The following ADD2 variants were observed in gnomAD, a reference collection of about 807,000 sequenced individuals.
The protein encoded by ADD2 is adducin 2.
Under a neutral mutation model 83.0 loss-of-function variants are expected in ADD2, and 23 were observed. The ratio of observed to expected loss-of-function variants is 0.28; its 90% CI spans 0.20 to 0.39. The LOEUF (loss-of-function observed/expected upper bound fraction) is 0.39. ADD2 is among the 10% of genes least tolerant of loss of function. ADD2 has a pLI of 1.00. For synonymous variants in ADD2, 375 were observed against 375.4 expected, an observed-to-expected ratio of 1.00 and a Z score of 0.01; for missense variants, 758 against 944.9, an observed-to-expected ratio of 0.80 and a Z score of 2.59.
At chr2:70,766,001 A>T (rs2024451) in intron 1 of ADD2, among the ~76,000 whole-genome samples, 106,427 of 152,144 alleles carry the variant, frequency 0.7, 38,984 homozygotes, top group East Asian at 0.92. Context: ...CATTTGCTCA[A>T]CTGTTAACCT....
At chr2:70,724,859 C>T (rs1553377952) in intron 1 of ADD2, among the ~76,000 whole-genome samples, 2 of 152,250 alleles carry the variant, frequency 1.3e-5, no homozygotes, top group African/African-American at 4.8e-5. Context: ...CAGATGCCCA[C>T]ACTGTATCAA....
chr2:70,752,648 T>C (rs1301146604), intron 1 of ADD2, among the ~76,000 whole-genome samples: 1 of 152,142 alleles, frequency 6.6e-6, no homozygotes, highest in Non-Finnish European at 1.5e-5. Context: ...ACTGGGATGA[T>C]GACACAAGGA....
At chr2:70,738,011 T>C (rs7355764) in intron 1 of ADD2, among the ~76,000 whole-genome samples, 176 of 152,320 alleles carry the variant, frequency 1.2e-3, no homozygotes, top group African/African-American at 4.1e-3. Flanking sequence ...AGCCAATAAG[T>C]GGCAGAGCTG....
chr2:70,704,890 G>A (rs1429200509), intron 3 of ADD2, among the ~76,000 whole-genome samples: 6 of 152,154 alleles, frequency 3.9e-5, no homozygotes, highest in African/African-American at 1.4e-4. Flanking sequence ...TAATGAAAGG[G>A]TAGGAGGAAG....
chr2:70,690,682 C>A, intron 8 of ADD2, 104 bp downstream of exon 8: 3 of 1,330,770 alleles, frequency 2.3e-6, no homozygotes, highest in Non-Finnish European at 3.0e-6. Flanking sequence ...TTTTTTTTCC[C>A]CCCTCTCTCC....
intron 15 of ADD2, among the ~76,000 whole-genome samples, chr2:70,671,541 T>G (rs1553367029): frequency 6.6e-6 from 1 of 151,796 alleles, no homozygotes. Flanking sequence ...TTGCAGTGAG[T>G]TAGTAAACAG....
rs187601816 is a variant in ADD2 at position 70,657,011 on chromosome 2, A to G, written c.*6414T>C. ...CTATACAAAACCAACCCATAAATATATATATATATATAATATGTGTATATA... is the reference window on the plus strand; with the variant it reads ...CTATACAAAACCAACCCATAAATATGTATATATATATAATATGTGTATATA... On this transcript the variant is annotated 3_prime_UTR_variant, in exon 16 of 16. Transcript: ENST00000264436. The G allele has an allele frequency of 4.7e-5, 7 of 150,406 alleles. No individual in the cohort carries two copies. In the East Asian group the frequency reaches 1.4e-3, roughly 29 times the overall value. The allele number at this position is 150,406 out of a possible 1,614,324, so 9.3% of individuals were successfully genotyped here. A position where few individuals can be genotyped will look rare whatever the true frequency, so the allele number is the denominator to read the frequency against.
chr2:70,709,816 C>G lies in ADD2; in HGVS notation c.-35+3250G>C, dbSNP rs190841188. Among the ~76,000 whole-genome samples, 244 of 152,300 alleles carry G rather than the reference C, an allele frequency of 1.6e-3. 2 individuals are homozygous for G. Among genetic ancestry groups the G allele is most frequent in the African/African-American group, 5.7e-3 (237 of 41,572 alleles). On this transcript the variant is annotated intron_variant, in intron 2 of 15. Transcript: ENST00000264436. ...AGAACACACATTGGCCTTGTGGATT[C>G]CAGTCAGTCCCACGTGCATGGCGTT...
chr2:70,680,847 A>G (rs1553369402), intron 10 of ADD2, among the ~76,000 whole-genome samples: 7 of 152,222 alleles, frequency 4.6e-5, no homozygotes, highest in Non-Finnish European at 1.0e-4. Context: ...CCTTAAACTG[A>G]AATCACCTTT....
In ADD2 at chr2:70,706,211, GT is replaced by G. The variant is rs1671880435; in HGVS notation, c.183+14del. ...GCCCCCTGCGCCCTCTCCCGCCCGG[GT>G]CAGCCCCACTCACGGGACTCTGCAG... On this transcript the variant is annotated intron_variant, in intron 3 of 15. Coordinates refer to ENST00000264436, the MANE Select transcript of ADD2 (RefSeq NM_001617.4). The surrounding 1 kb of genome is among the most constrained non-coding windows in gnomAD (Gnocchi z 5.0). 3 of 1,610,544 alleles carry G rather than the reference GT, an allele frequency of 1.9e-6. No homozygotes were observed. Among genetic ancestry groups the G allele is most frequent in the Middle Eastern group, 1.7e-4 (1 of 5,838 alleles).
At chr2:70,673,387 G>GT (rs782298620) in intron 14 of ADD2, 1 of 1,475,194 alleles carries the variant, frequency 6.8e-7, no homozygotes, top group South Asian at 1.1e-5. Context: ...CGGGTAAGAG[G>GT]TGGACCCACA....
chr2:70,692,968 G>A (rs1433634332), intron 6 of ADD2, among the ~76,000 whole-genome samples: 1 of 152,058 alleles, frequency 6.6e-6, no homozygotes. Context: ...CAGAGACAGG[G>A]GGAGTCTTTC....
At chr2:70,744,919 T>C (rs1574314974) in intron 1 of ADD2, among the ~76,000 whole-genome samples, 1 of 152,226 alleles carries the variant, frequency 6.6e-6, no homozygotes, top group East Asian at 1.9e-4. Context: ...ACACAGGACT[T>C]GGTGGTGACT....
intron 2 of ADD2, among the ~76,000 whole-genome samples, chr2:70,712,590 T>C (rs1384474103): frequency 5.3e-5 from 8 of 152,022 alleles, no homozygotes; most frequent in Non-Finnish European, 1.0e-4. Flanking sequence ...CTCCACTCCA[T>C]CATTCTGTCC....
chr2:70,726,791 G>A (rs1025642702), intron 1 of ADD2, among the ~76,000 whole-genome samples: 6 of 152,148 alleles, frequency 3.9e-5, no homozygotes, highest in Admixed American at 6.5e-5. Context: ...CCCAGGTTTG[G>A]GGAGGTAGCT....
intron 1 of ADD2, among the ~76,000 whole-genome samples, chr2:70,747,525 G>GCATCATGCCATGTGTTCTCC (rs1325015412): frequency 2.1e-5 from 3 of 145,776 alleles, no homozygotes; most frequent in Non-Finnish European, 4.5e-5. Flanking sequence ...ACATGCTCTC[G>GCATCATGCCATGTGTTCTCC]CATCATGCCA....
intron 10 of ADD2, among the ~76,000 whole-genome samples, chr2:70,680,089 A>C (rs1185207274): frequency 6.6e-6 from 1 of 152,178 alleles, no homozygotes; most frequent in Non-Finnish European, 1.5e-5. Context: ...AATATTTGTC[A>C]AGATTGCAGC....
intron 6 of ADD2, among the ~76,000 whole-genome samples, chr2:70,693,961 T>C (rs1189703575): frequency 2.0e-5 from 3 of 152,204 alleles, no homozygotes; most frequent in South Asian, 2.1e-4. Context: ...TGTGTGGGTA[T>C]TGCCTTTGTG....
intron 4 of ADD2, among the ~76,000 whole-genome samples, chr2:70,701,933 C>A (rs1232486394): frequency 1.3e-5 from 2 of 152,076 alleles, no homozygotes; most frequent in East Asian, 3.8e-4. Flanking sequence ...ACAATTCACT[C>A]ATGTAAATAT....
Sources: gnomAD v4.1 joint callset for allele counts (sites outside exome capture counted in the v4.1 genomes callset) on GRCh38, gnomAD v4.1.1 for gene constraint, Gnocchi (gnomAD v3.1) non-coding constraint, MANE v1.5 for transcripts, NCBI Gene and HGNC (gene_info 2026-07-23, HGNC 2026-07-21) for gene names.